C1orf94: variants seen among roughly 807,000 people sequenced by gnomAD.
C1orf94 encodes the protein chromosome 1 open reading frame 94.
In C1orf94, 45 loss-of-function variants were observed where a neutral mutation model predicts 53.6. The observed-to-expected ratio is 0.84, with a 90% confidence interval of 0.66 to 1.08. C1orf94 has a LOEUF of 1.08. Ranked by LOEUF, C1orf94 falls within the 50% of genes least tolerant of loss-of-function variation. The probability of loss-of-function intolerance (pLI) is 0.00; values close to 1 mark genes in which losing one functional copy is unlikely to be tolerated. For missense variants in C1orf94, 762 were observed against 738.9 expected, an observed-to-expected ratio of 1.03 and a Z score of -0.36; for synonymous variants, 304 against 296.1, an observed-to-expected ratio of 1.03 and a Z score of -0.27.
chr1:34,209,608 G>A (rs568043769), intron 5 of C1orf94, among the ~76,000 whole-genome samples: 15 of 152,226 alleles, frequency 9.9e-5, no homozygotes, highest in East Asian at 3.9e-4. Context: ...CCCACCCTCC[G>A]TGCAAACCGC....
At chr1:34,178,918 G>T (rs957493905) in intron 1 of C1orf94, among the ~76,000 whole-genome samples, 10 of 152,248 alleles carry the variant, frequency 6.6e-5, no homozygotes, top group African/African-American at 2.2e-4. Flanking sequence ...TGTTCCCAGA[G>T]TCCCTGTGAG....
At chr1:34,214,871 C>A (rs2148624052) in intron 6 of C1orf94, among the ~76,000 whole-genome samples, 1 of 152,180 alleles carries the variant, frequency 6.6e-6, no homozygotes, top group East Asian at 1.9e-4. Context: ...GCTGGGGAGA[C>A]CAGGACCATG....
rs533131765 is a variant in C1orf94 at position 34,192,575 on chromosome 1, T to C, written c.321-4650T>C. 2.6e-5 allele frequency among the ~76,000 whole-genome samples: 4 copies of C among 152,290 alleles called. No homozygotes were observed. In the South Asian group the frequency reaches 6.2e-4, roughly 24 times the overall value. On this transcript the variant is annotated intron_variant, in intron 1 of 6. Coordinates refer to ENST00000488417, the MANE Select transcript of C1orf94 (RefSeq NM_001134734.2). ...ACACTGTTCTAGGTTTGGAGGCCTC[T>C]GTGGTGAACAAGATAAAGTCCCTGC... is the stretch of plus-strand genomic sequence containing the variant.
At chr1:34,193,097 G>A (rs1048336111) in intron 1 of C1orf94, among the ~76,000 whole-genome samples, 4 of 152,080 alleles carry the variant, frequency 2.6e-5, no homozygotes, top group South Asian at 4.2e-4. Context: ...GGAGGGGCGT[G>A]GTGGAAGGAG....
chr1:34,195,206 A>C (rs1642559625), intron 1 of C1orf94, among the ~76,000 whole-genome samples: 1 of 152,202 alleles, frequency 6.6e-6, no homozygotes. Context: ...ACCAGCCCAC[A>C]CTAGCTAATG....
intron 1 of C1orf94, among the ~76,000 whole-genome samples, chr1:34,196,710 G>T (rs761088084): frequency 6.6e-6 from 1 of 152,130 alleles, no homozygotes; most frequent in Non-Finnish European, 1.5e-5. Context: ...ACTGGATCAG[G>T]GTGTAAGCTT....
At chr1:34,195,426 G>A (rs1317143419) in intron 1 of C1orf94, among the ~76,000 whole-genome samples, 5 of 152,148 alleles carry the variant, frequency 3.3e-5, no homozygotes, top group Non-Finnish European at 7.4e-5. Flanking sequence ...TGTTTGTCTG[G>A]AGTCTGCTTT....
intron 1 of C1orf94, among the ~76,000 whole-genome samples, chr1:34,183,908 T>C (rs1642347096): frequency 6.6e-6 from 1 of 150,488 alleles, no homozygotes; most frequent in African/African-American, 2.4e-5. Flanking sequence ...CTGAAAAAAA[T>C]ACAATGGTGG....
intron 1 of C1orf94, among the ~76,000 whole-genome samples, chr1:34,194,072 G>C (rs1171413119): frequency 1.3e-5 from 2 of 152,178 alleles, no homozygotes; most frequent in South Asian, 2.1e-4. Context: ...CACCACAAAG[G>C]CTGCAGTGTG....
At chr1:34,170,843 G>T (rs528037222) in intron 1 of C1orf94, among the ~76,000 whole-genome samples, 6 of 151,918 alleles carry the variant, frequency 3.9e-5, no homozygotes, top group Admixed American at 1.3e-4. Flanking sequence ...ATTTATCCTG[G>T]ACTCCCATCT....
At chr1:34,209,992 C>T (rs1367692575) in intron 5 of C1orf94, among the ~76,000 whole-genome samples, 2 of 152,160 alleles carry the variant, frequency 1.3e-5, no homozygotes, top group Non-Finnish European at 2.9e-5. Flanking sequence ...TTTATATAAA[C>T]ATTTTTAAAT....
intron 1 of C1orf94, among the ~76,000 whole-genome samples, chr1:34,180,603 G>A (rs572775535): frequency 2.6e-5 from 4 of 152,312 alleles, no homozygotes; most frequent in East Asian, 1.9e-4. Flanking sequence ...CAATAATGTC[G>A]GCTGTCCTGT....
intron 1 of C1orf94, among the ~76,000 whole-genome samples, chr1:34,182,422 A>T (rs1416397679): frequency 6.6e-6 from 1 of 152,118 alleles, no homozygotes; most frequent in Non-Finnish European, 1.5e-5. Context: ...AAGGGGTGTG[A>T]CATGAACAGA....
At chr1:34,205,126 T>C (rs1642771508) in intron 4 of C1orf94, among the ~76,000 whole-genome samples, 2 of 152,202 alleles carry the variant, frequency 1.3e-5, no homozygotes, top group African/African-American at 4.8e-5. Flanking sequence ...GATTTGGACA[T>C]ATCATTTTCT....
intron 1 of C1orf94, among the ~76,000 whole-genome samples, chr1:34,179,055 G>A (rs1642274985): frequency 6.6e-6 from 1 of 152,236 alleles, no homozygotes; most frequent in African/African-American, 2.4e-5. Flanking sequence ...GAGATGCTCT[G>A]GAGTTGGGGA....
intron 1 of C1orf94, among the ~76,000 whole-genome samples, chr1:34,179,035 G>A (rs559285246): frequency 9.2e-5 from 14 of 152,326 alleles, no homozygotes; most frequent in African/African-American, 3.4e-4. Context: ...ACATGCTACA[G>A]CTCAGTTCAG....
rs71647966 is a variant in C1orf94, at chr1:34,198,011, T to C, written c.1009+98T>C. On this transcript the variant is annotated intron_variant, in intron 2 of 6. Transcript: ENST00000488417. ...GCAGCATGTACATAAAGCATCTTCA[T>C]GCAAAGCAAGACAAAGCAGCCTCTC... is the stretch of plus-strand genomic sequence containing the variant. The C allele has an allele frequency of 6.3e-6, 8 of 1,273,012 alleles. No individual in the cohort carries two copies. In the East Asian group the frequency reaches 2.0e-4, roughly 32 times the overall value. The allele number at this position is 1,273,012 out of a possible 1,614,324, so 78.9% of individuals were successfully genotyped here.
rs375956513 is a variant in C1orf94, at chr1:34,202,371, C to T, written c.1446+112C>T. ...AGAGTCTTTAGACTCCTCTGAATCC[C>T]TTCCCTACATGCAAGAGGCTTCGCT... is the stretch of plus-strand genomic sequence containing the variant. On this transcript the variant is annotated intron_variant, in intron 4 of 6. Transcript: ENST00000488417. 12 of 1,197,446 alleles carry T rather than the reference C, an allele frequency of 1.0e-5. No homozygotes were observed. The African/African-American group carries it at 1.8e-4, about 18-fold the overall frequency. 74.2% of individuals were successfully genotyped at this position (1,197,446 alleles called of 1,614,324 possible).
At chr1:34,209,238 T>G (rs1371786596) in intron 5 of C1orf94, among the ~76,000 whole-genome samples, 1 of 151,544 alleles carries the variant, frequency 6.6e-6, no homozygotes, top group Non-Finnish European at 1.5e-5. Flanking sequence ...TGTACCTAGA[T>G]GCACAATAAT....
Sources: gnomAD v4.1 joint callset for allele counts (sites outside exome capture counted in the v4.1 genomes callset) on GRCh38, gnomAD v4.1.1 for gene constraint, MANE v1.5 for transcripts, NCBI Gene and HGNC (gene_info 2026-07-23, HGNC 2026-07-21) for gene names.